Variants in PIEZO1 observed in about 807,000 individuals in gnomAD.
PIEZO1 encodes the protein piezo-type mechanosensitive ion channel component 1.
A neutral mutation model predicts 297.2 loss-of-function variants in PIEZO1; 296 were observed. That is an observed-to-expected ratio of 1.00 (90% CI 0.91 to 1.10). The LOEUF (loss-of-function observed/expected upper bound fraction) is 1.10, where lower values mean the gene tolerates loss of function less well. Among genes scored for constraint, PIEZO1 ranks in the 50% least tolerant of loss-of-function variants. PIEZO1 has a pLI of 0.00. For synonymous variants in PIEZO1, 2,427 were observed against 1,507.5 expected, an observed-to-expected ratio of 1.61 and a Z score of -14.13; for missense variants, 5,018 against 3,455.5, an observed-to-expected ratio of 1.45 and a Z score of -11.34.
Position 88,726,901 on chromosome 16 carries a change from C to T in PIEZO1, c.3513G>A (p.Leu1171=). 1 of 1,550,434 alleles carries T rather than the reference C, an allele frequency of 6.4e-7. No homozygotes were observed. Among genetic ancestry groups the T allele is most frequent in the Non-Finnish European group, 8.7e-7 (1 of 1,146,920 alleles). The part of the protein sequence containing the change: ...AVFRYLFWLV[L]VVVFVTGATR... ...TGGCCCCCGTGACAAACACCACCAC[C>T]AGCACCAGCCAGAACAGGTATCGGA... Residue 1171 remains leucine (L), a synonymous_variant, in exon 25 of 51, where the codon CTG becomes CTA. Coordinates refer to ENST00000301015, the MANE Select transcript of PIEZO1 (RefSeq NM_001142864.4).
intron 5 of PIEZO1, chr16:88,740,406 G>A (rs1014959136): frequency 6.6e-6 from 1 of 152,446 alleles, no homozygotes; most frequent in Admixed American, 6.5e-5. Flanking sequence ...CCAAACTCTA[G>A]GAAGCTCATG....
chr16:88,747,887 G>C (rs182311068), intron 2 of PIEZO1, among the ~76,000 whole-genome samples: 154 of 152,334 alleles, frequency 1.0e-3, no homozygotes, highest in Middle Eastern at 6.8e-3. Flanking sequence ...GGAGATGGAG[G>C]GAGGGGCCCC....
chr16:88,751,010 G>T (rs1906361995), intron 1 of PIEZO1, among the ~76,000 whole-genome samples: 2 of 152,148 alleles, frequency 1.3e-5, no homozygotes, highest in Non-Finnish European at 2.9e-5. Context: ...TAGCCAACGA[G>T]ATCCCTCCAT....
intron 1 of PIEZO1, among the ~76,000 whole-genome samples, chr16:88,767,157 C>G (rs1907216662): frequency 6.6e-6 from 1 of 152,222 alleles, no homozygotes; most frequent in Non-Finnish European, 1.5e-5. Context: ...CTTCACTCAT[C>G]TCCCCATTCC....
chr16:88,771,333 G>T (rs544614354), intron 1 of PIEZO1, among the ~76,000 whole-genome samples: 13 of 152,318 alleles, frequency 8.5e-5, no homozygotes, highest in Non-Finnish European at 8.8e-5. Context: ...GTGCTCAGCA[G>T]CAGAGCCAGG....
intron 1 of PIEZO1, among the ~76,000 whole-genome samples, chr16:88,775,401 G>A (rs946214038): frequency 2.6e-5 from 4 of 152,330 alleles, no homozygotes; most frequent in South Asian, 2.1e-4. Context: ...AAGAGTGTCC[G>A]GGCTTCATCT....
Position 88,716,634 on chromosome 16 carries a change from C to T in PIEZO1, c.6851G>A (p.Ser2284Asn). 1 of 1,549,858 alleles carries T rather than the reference C, an allele frequency of 6.5e-7. No homozygotes were observed. Among genetic ancestry groups the T allele is most frequent in the Non-Finnish European group, 8.7e-7 (1 of 1,146,934 alleles). Residue 2284 changes from serine (S) to asparagine (N), a missense_variant, in exon 47 of 51, where the codon AGC becomes AAC. Physicochemically the swap from Ser to Asn is conservative, Grantham distance 46 (BLOSUM62 1). Transcript: ENST00000301015. ...GAGCTCCCGCTTCATCTGGGCACGG[C>T]TGGGGGGACTGATGCGCCACAGCGC... ...SGALWRISPP[S>N]RAQMKRELYN...
intron 24 of PIEZO1, 36 bp downstream of exon 24, chr16:88,727,003 C>G (rs1904491956): frequency 6.5e-7 from 1 of 1,548,770 alleles, no homozygotes; most frequent in Non-Finnish European, 8.7e-7. Flanking sequence ...CCACCCCTCC[C>G]AGAAGGTTCC....
rs1912017095 is a variant in PIEZO1 at position 88,716,237 on chromosome 16, T to A, written c.7090A>T (p.Asn2364Tyr). 1.3e-6 allele frequency: 2 copies of A among 1,496,574 alleles called. No homozygotes were observed. The highest frequency in any genetic ancestry group is 2.8e-5 in the African/African-American group (2 of 71,990). 92.7% of individuals were successfully genotyped at this position (1,496,574 alleles called of 1,614,324 possible). A position where few individuals can be genotyped will look rare whatever the true frequency, so the allele number is the denominator to read the frequency against. ...NLFPKYIRAPNGPEANPVKQL... is the reference protein window; with the variant it reads ...NLFPKYIRAPYGPEANPVKQL... ...TTCACAGGGTTGGCTTCGGGCCCGT[T>A]GGGGGCACGGATGTACTTGGGGAAG... The change falls in exon 49 of 51, where the codon AAC becomes TAC. Residue 2364 changes from asparagine to tyrosine, a missense_variant. Coordinates refer to ENST00000301015, the MANE Select transcript of PIEZO1 (RefSeq NM_001142864.4).
At chr16:88,758,154 C>T (rs566486224) in intron 1 of PIEZO1, among the ~76,000 whole-genome samples, 1 of 152,256 alleles carries the variant, frequency 6.6e-6, no homozygotes, top group South Asian at 2.1e-4. Flanking sequence ...TTCCTGGAAG[C>T]GGCTGCCCGG....
chr16:88,760,838 A>C (rs114896324), intron 1 of PIEZO1, among the ~76,000 whole-genome samples: 3 of 152,198 alleles, frequency 2.0e-5, no homozygotes, highest in African/African-American at 7.2e-5. Context: ...TGGGGCACTG[A>C]GGAGCTTCTG....
chr16:88,756,749 T>C (rs571310610), intron 1 of PIEZO1, among the ~76,000 whole-genome samples: 88 of 139,908 alleles, frequency 6.3e-4, no homozygotes, highest in South Asian at 5.1e-3. Flanking sequence ...GCCTGGGCAA[T>C]AGAGCAAGAT....
intron 5 of PIEZO1, 21 bp from the exon 6 acceptor site, chr16:88,738,757 G>T (rs1905435274): frequency 6.6e-7 from 1 of 1,521,392 alleles, no homozygotes; most frequent in Admixed American, 2.0e-5. Context: ...CACGGACAGG[G>T]GCAAGGTCAG....
chr16:88,765,974 C>A (rs1907159215), intron 1 of PIEZO1, among the ~76,000 whole-genome samples: 1 of 152,090 alleles, frequency 6.6e-6, no homozygotes, highest in African/African-American at 2.4e-5. Context: ...CACCCGGCCG[C>A]TATCTCCATT....
chr16:88,757,989 G>A (rs1011688833), intron 1 of PIEZO1, among the ~76,000 whole-genome samples: 8 of 152,168 alleles, frequency 5.3e-5, no homozygotes, highest in African/African-American at 1.7e-4. Flanking sequence ...GCCACCCTCT[G>A]TGCCTCTACT....
Position 88,723,877 on chromosome 16 carries a change from G to A in PIEZO1, c.4329C>T (p.Ala1443=), listed in dbSNP as rs753107403. The A allele has an allele frequency of 2.0e-6, 3 of 1,527,094 alleles. No individual in the cohort carries two copies. Among genetic ancestry groups the A allele is most frequent in the Middle Eastern group, 1.7e-4 (1 of 5,982 alleles). 94.6% of individuals were successfully genotyped at this position (1,527,094 alleles called of 1,614,324 possible). The change falls in exon 31 of 51, where the codon GCC becomes GCT. Residue 1443 remains alanine, a synonymous_variant. Transcript: ENST00000301015. The part of the protein sequence containing the change: ...PEDPRPSAQS[A]FQLAYQAWVT... Reference sequence around the variant, plus strand: ...CGGGGCTCTCCCACCTCACCTGGAAGGCACTCTGTGCCGACGGCCTCGGGT... The same window carrying A: ...CGGGGCTCTCCCACCTCACCTGGAAAGCACTCTGTGCCGACGGCCTCGGGT...
intron 1 of PIEZO1, among the ~76,000 whole-genome samples, chr16:88,783,508 G>T (rs116109037): frequency 6.6e-6 from 1 of 152,242 alleles, no homozygotes; most frequent in Non-Finnish European, 1.5e-5. Flanking sequence ...CGATCAGTGT[G>T]AACGGGACGT....
At chr16:88,723,378 C>T in intron 31 of PIEZO1, 50 bp from the exon 32 acceptor site, 2 of 1,531,606 alleles carry the variant, frequency 1.3e-6, no homozygotes, top group Non-Finnish European at 1.7e-6. Context: ...CCATCAGACC[C>T]AGGCGGGAAG....
At position 88,725,591 on chromosome 16, in the gene PIEZO1, C is replaced by G. The variant is rs1398388974; in HGVS notation, c.4058+4G>C. On this transcript the variant is annotated splice_donor_region_variant and intron_variant, in intron 28 of 50. Transcript: ENST00000301015. ...CGGGGAGTCCCCGCCCCAGAGGCAC[C>G]TACTGTCTTTTCAGCTGGGCCAGGG... is the stretch of plus-strand genomic sequence containing the variant. 1.3e-6 allele frequency: 2 copies of G among 1,544,796 alleles called. No homozygotes were observed. Among genetic ancestry groups the G allele is most frequent in the East Asian group, 2.4e-5 (1 of 40,890 alleles).
Sources: allele counts gnomAD v4.1 joint callset (sites outside exome capture counted in the v4.1 genomes callset), GRCh38; gene constraint gnomAD v4.1.1; transcripts MANE v1.5; gene names NCBI Gene and HGNC (gene_info 2026-07-23, HGNC 2026-07-21).